DNM3: variants seen among roughly 807,000 people sequenced by gnomAD.
DNM3 encodes the protein dynamin-3.
A neutral mutation model predicts 101.6 loss-of-function variants in DNM3; 47 were observed. The ratio of observed to expected loss-of-function variants is 0.46; its 90% confidence interval spans 0.37 to 0.59. The LOEUF (loss-of-function observed/expected upper bound fraction) is 0.59, where lower values mean the gene tolerates loss of function less well. Ranked by LOEUF, DNM3 falls within the 20% of genes least tolerant of loss-of-function variation. The pLI is 0.00. For synonymous variants in DNM3, 385 were observed against 387.9 expected, an observed-to-expected ratio of 0.99 and a Z score of 0.09; for missense variants, 849 against 1,085.7, an observed-to-expected ratio of 0.78 and a Z score of 3.06.
intron 13 of DNM3, among the ~76,000 whole-genome samples, chr1:172,128,922 C>T (rs2056785281): frequency 6.6e-6 from 1 of 152,148 alleles, no homozygotes; most frequent in South Asian, 2.1e-4. Context: ...GGTTTTATAA[C>T]CTAGTTTCTC....
chr1:172,370,575 A>C (rs1362616611), intron 17 of DNM3, among the ~76,000 whole-genome samples: 2 of 151,840 alleles, frequency 1.3e-5, no homozygotes, highest in Non-Finnish European at 2.9e-5. Context: ...ACATTTGTTG[A>C]GTGATTATTT....
chr1:172,327,855 A>G (rs184601736), intron 17 of DNM3, among the ~76,000 whole-genome samples: 2 of 152,246 alleles, frequency 1.3e-5, no homozygotes, highest in East Asian at 3.9e-4. Context: ...ATAAAAAAAA[A>G]TTGTCTGTCA....
intron 2 of DNM3, among the ~76,000 whole-genome samples, chr1:171,985,556 C>A (rs1277535485): frequency 2.0e-5 from 3 of 152,176 alleles, no homozygotes; most frequent in Non-Finnish European, 4.4e-5. Context: ...ATACTTCCAG[C>A]ATTAGAGGAA....
At chr1:171,843,560 A>ATG (rs1558152616) in intron 1 of DNM3, among the ~76,000 whole-genome samples, 1 of 152,238 alleles carries the variant, frequency 6.6e-6, no homozygotes, top group Non-Finnish European at 1.5e-5. Flanking sequence ...AGTATTTCAA[A>ATG]TGAAATTACC....
intron 4 of DNM3, among the ~76,000 whole-genome samples, chr1:171,989,732 G>T (rs1400983471): frequency 6.6e-6 from 1 of 152,074 alleles, no homozygotes; most frequent in Admixed American, 6.6e-5. Context: ...GTTGAATAAC[G>T]ACAGTTTATC....
At chr1:172,064,153 C>T (rs567484853) in intron 10 of DNM3, among the ~76,000 whole-genome samples, 1 of 152,194 alleles carries the variant, frequency 6.6e-6, no homozygotes, top group East Asian at 1.9e-4. Context: ...AATCCTTCAT[C>T]CCTTGACTCT....
chr1:172,193,185 C>G (rs529489953), intron 14 of DNM3, among the ~76,000 whole-genome samples: 8 of 152,018 alleles, frequency 5.3e-5, no homozygotes, highest in Admixed American at 1.3e-4. Context: ...CTTTTGAGAA[C>G]TGTCTGTTCA....
At chr1:172,115,421 A>C (rs1207794995) in intron 13 of DNM3, among the ~76,000 whole-genome samples, 1 of 152,176 alleles carries the variant, frequency 6.6e-6, no homozygotes, top group East Asian at 1.9e-4. Flanking sequence ...CTCAGCAGCC[A>C]GAAAGCATTC....
At chr1:171,843,174 T>A (rs1430794399) in intron 1 of DNM3, among the ~76,000 whole-genome samples, 1 of 152,226 alleles carries the variant, frequency 6.6e-6, no homozygotes, top group Non-Finnish European at 1.5e-5. Flanking sequence ...AGATGATATT[T>A]TTTTTCCTGT....
At chr1:172,125,278 C>G (rs757849030) in intron 13 of DNM3, among the ~76,000 whole-genome samples, 1 of 152,120 alleles carries the variant, frequency 6.6e-6, no homozygotes, top group Admixed American at 6.5e-5. Flanking sequence ...TAAGTGAGAT[C>G]AAGGTCAAAC....
At chr1:172,371,375 A>G (rs2068312764) in intron 17 of DNM3, among the ~76,000 whole-genome samples, 1 of 152,056 alleles carries the variant, frequency 6.6e-6, no homozygotes, top group Admixed American at 6.6e-5. Flanking sequence ...ACGCTTAAAG[A>G]AGGAGAGTCT....
At chr1:172,388,856 T>G (rs936712021) in intron 20 of DNM3, 47 bp downstream of exon 20, 5 of 1,414,138 alleles carry the variant, frequency 3.5e-6, no homozygotes, top group African/African-American at 1.4e-5. Flanking sequence ...CTTGGTTCTC[T>G]TCTCATAGAA....
intron 15 of DNM3, among the ~76,000 whole-genome samples, chr1:172,267,659 A>C (rs961945743): frequency 1.3e-5 from 2 of 152,094 alleles, no homozygotes; most frequent in South Asian, 4.1e-4. Flanking sequence ...TACACTAAGC[A>C]TTCTAAATCT....
Position 171,865,443 on chromosome 1 carries a change from G to A in DNM3, c.161+23626G>A, listed in dbSNP as rs572495395. Among the ~76,000 whole-genome samples the A allele has an allele frequency of 2.0e-3, 305 of 151,128 alleles. 1 individual carries two copies. Among genetic ancestry groups the A allele is most frequent in the Non-Finnish European group, 3.3e-3 (221 of 67,834 alleles). ...AGACTGGAGGATCTCTTGAGACTGG[G>A]AGGTCGAGGCTGCGGTGAGCCATGA... On this transcript the variant is annotated intron_variant, in intron 1 of 20. Transcript: ENST00000627582.
At chr1:171,985,414 C>G (rs1021931578) in intron 2 of DNM3, among the ~76,000 whole-genome samples, 1 of 152,174 alleles carries the variant, frequency 6.6e-6, no homozygotes, top group Non-Finnish European at 1.5e-5. Flanking sequence ...AATAAAGGCT[C>G]TATCTTCTGG....
chr1:172,138,946 C>A (rs537602109), intron 14 of DNM3: 1 of 471,914 alleles, frequency 2.1e-6, no homozygotes, highest in South Asian at 1.5e-5. Flanking sequence ...TAGACAGATA[C>A]AATCAGCCTG....
At chr1:171,897,162 A>T (rs529477181) in intron 1 of DNM3, among the ~76,000 whole-genome samples, 1 of 152,294 alleles carries the variant, frequency 6.6e-6, no homozygotes, top group South Asian at 2.1e-4. Flanking sequence ...GGGTAGCTAA[A>T]ATGCACTTGG....
chr1:172,300,085 G>A (rs181099570), intron 15 of DNM3, among the ~76,000 whole-genome samples: 1 of 152,184 alleles, frequency 6.6e-6, no homozygotes, highest in African/African-American at 2.4e-5. Flanking sequence ...CATTCTAACT[G>A]GTGTGAGATG....
Position 171,858,379 on chromosome 1 carries a change from G to T in DNM3, c.161+16562G>T, listed in dbSNP as rs192374607. Among the ~76,000 whole-genome samples the T allele has an allele frequency of 1.3e-3, 199 of 152,070 alleles. 1 individual carries two copies. Among genetic ancestry groups the T allele is most frequent in the Non-Finnish European group, 1.4e-3 (98 of 67,972 alleles). ...ATTTTCTTAATGATGTAAACTACTT[G>T]TGAGTCTCCCATCTCAACCTTTGCC... On this transcript the variant is annotated intron_variant, in intron 1 of 20. Coordinates refer to ENST00000627582, the MANE Select transcript of DNM3 (RefSeq NM_015569.5).
Sources: gnomAD v4.1 joint callset for allele counts (sites outside exome capture counted in the v4.1 genomes callset) on GRCh38, gnomAD v4.1.1 for gene constraint, MANE v1.5 for transcripts, NCBI Gene and HGNC (gene_info 2026-07-23, HGNC 2026-07-21) for gene names.